The following RNGTT variants were observed in gnomAD, a reference collection of about 807,000 sequenced individuals.
RNGTT encodes the protein RNA guanylyltransferase and 5'-phosphatase.
RNGTT carries 33 observed loss-of-function variants against 79.3 expected under a neutral mutation model. The observed-to-expected ratio is 0.42, with a 90% CI of 0.32 to 0.56. The LOEUF (loss-of-function observed/expected upper bound fraction) is 0.56. RNGTT is among the 20% of genes least tolerant of loss of function. The pLI is 0.17. For synonymous variants in RNGTT, 222 were observed against 235.9 expected (o/e 0.94, Z 0.54); for missense variants, 497 against 739.1 (o/e 0.67, Z 3.80).
intron 14 of RNGTT, among the ~76,000 whole-genome samples, chr6:88,660,556 AAAG>A (rs1774144702): frequency 1.3e-5 from 2 of 149,916 alleles, no homozygotes; most frequent in African/African-American, 5.1e-5. Context: ...TGGTAAAAAA[AAAG>A]AAAGAAAAGG....
At position 88,730,505 on chromosome 6, in the gene RNGTT, T is replaced by C. The variant is rs557987209; in HGVS notation, c.1439+39269A>G. The stretch of plus-strand genomic sequence containing the variant: ...GGCGCACCCTTCTATAGAAGTACCT[T>C]GCCTTGCTCAGAATTAAAAAGAAAA... On this transcript the variant is annotated intron_variant, in intron 13 of 15. Transcript: ENST00000369485. Among the ~76,000 whole-genome samples, 18 of 152,340 alleles carry C rather than the reference T, an allele frequency of 1.2e-4. No homozygotes were observed. In the South Asian group the frequency reaches 3.1e-3, roughly 26 times the overall value.
intron 13 of RNGTT, among the ~76,000 whole-genome samples, chr6:88,769,091 A>C (rs1022513367): frequency 1.3e-5 from 2 of 152,116 alleles, no homozygotes; most frequent in African/African-American, 4.8e-5. Context: ...TAAGAGAATT[A>C]TTTTTCAGTA....
chr6:88,816,449 C>T (rs866705759), intron 11 of RNGTT, among the ~76,000 whole-genome samples: 1 of 151,762 alleles, frequency 6.6e-6, no homozygotes, highest in Non-Finnish European at 1.5e-5. Flanking sequence ...GGGCAAAGTA[C>T]ACAAAAGGGG....
chr6:88,790,008 T>C (rs1286272998), intron 12 of RNGTT, among the ~76,000 whole-genome samples: 3 of 152,138 alleles, frequency 2.0e-5, no homozygotes, highest in Admixed American at 1.3e-4. Flanking sequence ...CGCTTTGATA[T>C]AAAACCTCAC....
At chr6:88,628,855 G>A (rs149041736) in intron 14 of RNGTT, among the ~76,000 whole-genome samples, 8 of 152,222 alleles carry the variant, frequency 5.3e-5, no homozygotes, top group African/African-American at 1.7e-4. Context: ...ATCAAGAAAT[G>A]ACTAACAGTT....
chr6:88,732,258 T>C (rs1299141691), intron 13 of RNGTT, among the ~76,000 whole-genome samples: 1 of 152,148 alleles, frequency 6.6e-6, no homozygotes. Context: ...GACATACAAA[T>C]TGCCAAGAAG....
chr6:88,696,178 T>C (rs1775657660), intron 13 of RNGTT, among the ~76,000 whole-genome samples: 1 of 152,224 alleles, frequency 6.6e-6, no homozygotes, highest in African/African-American at 2.4e-5. Context: ...AGTGTAATTA[T>C]GTGAAGTGAA....
intron 13 of RNGTT, among the ~76,000 whole-genome samples, chr6:88,696,836 C>T (rs1775691114): frequency 6.6e-6 from 1 of 151,928 alleles, no homozygotes; most frequent in African/African-American, 2.4e-5. Flanking sequence ...GTTAGGAAGC[C>T]GTTTCTGCAG....
chr6:88,670,836 C>T (rs1774610921), intron 14 of RNGTT, among the ~76,000 whole-genome samples: 1 of 152,180 alleles, frequency 6.6e-6, no homozygotes, highest in Non-Finnish European at 1.5e-5. Context: ...GGAATCTTTA[C>T]TTTGGGGAGC....
chr6:88,616,172 G>A (rs1045469708), intron 14 of RNGTT, among the ~76,000 whole-genome samples: 2 of 152,206 alleles, frequency 1.3e-5, no homozygotes, highest in Admixed American at 1.3e-4. Flanking sequence ...GTTGTAGCAT[G>A]TGACAGAAAT....
rs569228776 is a variant in RNGTT at position 88,829,375 on chromosome 6, G to T, written c.1269+14982C>A. On this transcript the variant is annotated intron_variant, in intron 11 of 15. Transcript: ENST00000369485. The stretch of plus-strand genomic sequence containing the variant: ...TGCCCTAAAAGAGCTCCTGAAGGAA[G>T]CACCAAATACGGAAGGAAAAAACCA... Among the ~76,000 whole-genome samples the T allele has an allele frequency of 9.2e-5, 14 of 152,192 alleles. No individual in the cohort carries two copies. In the East Asian group the frequency reaches 2.3e-3, roughly 25 times the overall value.
chr6:88,869,134 A>G (rs1396616073), intron 8 of RNGTT, among the ~76,000 whole-genome samples: 2 of 152,186 alleles, frequency 1.3e-5, no homozygotes, highest in East Asian at 1.9e-4. Flanking sequence ...TTCATGCACA[A>G]AGGAAAAATC....
chr6:88,904,688 A>C (rs755025533), intron 6 of RNGTT, 27 bp downstream of exon 6: 1 of 1,558,346 alleles, frequency 6.4e-7, no homozygotes, highest in South Asian at 1.2e-5. Flanking sequence ...GAAAAAAAAA[A>C]CCTATTATAA....
intron 6 of RNGTT, among the ~76,000 whole-genome samples, chr6:88,904,395 G>A (rs2127942325): frequency 6.6e-6 from 1 of 152,104 alleles, no homozygotes. Flanking sequence ...TCAACAAAGT[G>A]AGAACCTTCT....
At chr6:88,868,212 A>C (rs1160750266) in intron 8 of RNGTT, among the ~76,000 whole-genome samples, 1 of 152,174 alleles carries the variant, frequency 6.6e-6, no homozygotes, top group Non-Finnish European at 1.5e-5. Flanking sequence ...TGACTCAGCA[A>C]ATCAGGTGGT....
chr6:88,935,478 C>T (rs749441337), intron 2 of RNGTT, among the ~76,000 whole-genome samples: 1 of 151,996 alleles, frequency 6.6e-6, no homozygotes, highest in Non-Finnish European at 1.5e-5. Context: ...CATTGGGAGG[C>T]CAAGGTGGGA....
chr6:88,906,792 A>G (rs1482722082), intron 4 of RNGTT, among the ~76,000 whole-genome samples: 1 of 152,178 alleles, frequency 6.6e-6, no homozygotes, highest in Non-Finnish European at 1.5e-5. Context: ...CATACACACA[A>G]GATCCTTCTG....
intron 11 of RNGTT, among the ~76,000 whole-genome samples, chr6:88,807,497 C>T (rs35330075): frequency 0.057 from 8,580 of 151,844 alleles, 331 homozygotes; most frequent in Middle Eastern, 0.12. Flanking sequence ...AAGAAACGTA[C>T]GTGGCACTTT....
chr6:88,747,587 C>T (rs1447891368), intron 13 of RNGTT, among the ~76,000 whole-genome samples: 1 of 152,152 alleles, frequency 6.6e-6, no homozygotes, highest in African/African-American at 2.4e-5. Context: ...CTATAAAAGC[C>T]TGTATCCCCG....
Sources: allele counts gnomAD v4.1 joint callset (sites outside exome capture counted in the v4.1 genomes callset), GRCh38; gene constraint gnomAD v4.1.1; transcripts MANE v1.5; gene names NCBI Gene and HGNC (gene_info 2026-07-23, HGNC 2026-07-21).